The following GPHN variants were observed in gnomAD, a reference collection of about 807,000 sequenced individuals.
GPHN encodes the protein gephyrin.
Under a neutral mutation model 95.5 loss-of-function variants are expected in GPHN, and 17 were observed. The ratio of observed to expected loss-of-function variants is 0.18; its 90% CI spans 0.12 to 0.27. The LOEUF is 0.27. Among genes scored for constraint, GPHN ranks in the 10% least tolerant of loss-of-function variants. The probability of loss-of-function intolerance (pLI) is 1.00; values close to 1 mark genes in which losing one functional copy is unlikely to be tolerated. For missense variants in GPHN, 660 were observed against 978.1 expected (o/e 0.67, Z 4.34); for synonymous variants, 320 against 322.5 (o/e 0.99, Z 0.08).
At chr14:67,347,572 C>T in the GPHN span, 64 of 802,566 alleles carry the variant, frequency 8.0e-5, no homozygotes, top group Non-Finnish European at 1.2e-4. Context: ...CGTGATCTCG[C>T]CTCACCGCAA....
chr14:67,252,613 C>T, the GPHN span, among the ~76,000 whole-genome samples: 2 of 152,088 alleles, frequency 1.3e-5, no homozygotes, highest in Non-Finnish European at 2.9e-5. Flanking sequence ...ATTGTAACTC[C>T]AGGTAGATAG....
chr14:66,782,545 T>C (rs2059641153), intron 3 of GPHN, among the ~76,000 whole-genome samples: 1 of 152,126 alleles, frequency 6.6e-6, no homozygotes, highest in Non-Finnish European at 1.5e-5. Flanking sequence ...CTGGGCCAGG[T>C]GCGGTGGCTC....
chr14:67,696,050 C>CT, the GPHN span, among the ~76,000 whole-genome samples: 145 of 152,158 alleles, frequency 9.5e-4, no homozygotes, highest in African/African-American at 3.1e-3. Context: ...TGCTTTTTAT[C>CT]TTTTTTTCAC....
chr14:67,192,107 G>T, the GPHN span, among the ~76,000 whole-genome samples: 1 of 152,314 alleles, frequency 6.6e-6, no homozygotes, highest in South Asian at 2.1e-4. Flanking sequence ...GCTCTGCAGC[G>T]CAGCAAAAGC....
intron 4 of GPHN, among the ~76,000 whole-genome samples, chr14:66,833,521 T>C (rs1473791227): frequency 6.6e-6 from 1 of 152,176 alleles, no homozygotes; most frequent in Admixed American, 6.6e-5. Context: ...ATGAGTCTCC[T>C]ATCAGCCAGT....
intron 5 of GPHN, among the ~76,000 whole-genome samples, chr14:66,906,960 C>A (rs1400124760): frequency 6.6e-6 from 1 of 152,116 alleles, no homozygotes; most frequent in Admixed American, 6.6e-5. Flanking sequence ...AATATCAATT[C>A]GATCCTGTTG....
At chr14:66,916,407 G>A (rs1035083712) in intron 6 of GPHN, among the ~76,000 whole-genome samples, 1 of 150,970 alleles carries the variant, frequency 6.6e-6, no homozygotes, top group African/African-American at 2.4e-5. Flanking sequence ...TACTCTCCTG[G>A]CATTCGTGTA....
chr14:66,604,949 A>G (rs1054272343), intron 1 of GPHN, among the ~76,000 whole-genome samples: 4 of 148,246 alleles, frequency 2.7e-5, no homozygotes, highest in African/African-American at 1.0e-4. Flanking sequence ...ACAAGTGAGA[A>G]CATACAGTAT....
At chr14:67,492,764 T>C in the GPHN span, among the ~76,000 whole-genome samples, 3 of 152,216 alleles carry the variant, frequency 2.0e-5, no homozygotes, top group Non-Finnish European at 2.9e-5. Context: ...TGGTAGCTGG[T>C]TTATTTATTC....
At chr14:67,562,562 A>C in the GPHN span, 2 of 1,611,466 alleles carry the variant, frequency 1.2e-6, no homozygotes, top group African/African-American at 2.7e-5. Flanking sequence ...CAGCAGTCTG[A>C]CCCTACCAAA....
At chr14:67,730,041 G>A in the GPHN span, among the ~76,000 whole-genome samples, 3 of 152,198 alleles carry the variant, frequency 2.0e-5, no homozygotes, top group Admixed American at 1.3e-4. Flanking sequence ...TCTGATGAGA[G>A]GGGAATGGAT....
chr14:66,606,759 T>C (rs979394455), intron 1 of GPHN, among the ~76,000 whole-genome samples: 1 of 152,144 alleles, frequency 6.6e-6, no homozygotes, highest in Admixed American at 6.6e-5. Context: ...GGCTCTCAGG[T>C]AGAATGTTTT....
At chr14:67,308,167 A>G in the GPHN span, among the ~76,000 whole-genome samples, 3 of 152,038 alleles carry the variant, frequency 2.0e-5, no homozygotes, top group Admixed American at 2.0e-4. Flanking sequence ...AATCTGTACA[A>G]CAAACCCCCA....
intron 13 of GPHN, among the ~76,000 whole-genome samples, chr14:67,108,608 A>G (rs573105565): frequency 5.9e-5 from 9 of 152,230 alleles, no homozygotes; most frequent in South Asian, 4.1e-4. Context: ...CAGTAATAAT[A>G]TTATGGAGAG....
chr14:66,834,443 T>C (rs2061708344), intron 4 of GPHN, among the ~76,000 whole-genome samples: 1 of 152,152 alleles, frequency 6.6e-6, no homozygotes, highest in African/African-American at 2.4e-5. Flanking sequence ...AATACCTAAT[T>C]TATTGAGAGT....
chr14:66,571,156 C>G (rs1333035814), intron 1 of GPHN, among the ~76,000 whole-genome samples: 2 of 152,136 alleles, frequency 1.3e-5, no homozygotes, highest in Non-Finnish European at 2.9e-5. Flanking sequence ...ACTTAACAAT[C>G]ATGGCAGAAG....
the GPHN span, among the ~76,000 whole-genome samples, chr14:67,534,885 T>C: frequency 5.3e-5 from 8 of 152,370 alleles, no homozygotes; most frequent in African/African-American, 7.2e-5. Flanking sequence ...AGATATACTC[T>C]GATGTATATG....
the GPHN span, among the ~76,000 whole-genome samples, chr14:67,495,042 G>A: frequency 6.6e-6 from 1 of 152,130 alleles, no homozygotes; most frequent in Non-Finnish European, 1.5e-5. Flanking sequence ...TACTGTTCTG[G>A]CAACTTTTCT....
At chr14:66,553,092 G>A (rs2140195247) in intron 1 of GPHN, among the ~76,000 whole-genome samples, 1 of 151,802 alleles carries the variant, frequency 6.6e-6, no homozygotes, top group South Asian at 2.1e-4. Context: ...CCAGGTTCAA[G>A]CGATTCCCTG....
Sources: allele counts gnomAD v4.1 joint callset (sites outside exome capture counted in the v4.1 genomes callset), GRCh38; gene constraint gnomAD v4.1.1; transcripts MANE v1.5; gene names NCBI Gene and HGNC (gene_info 2026-07-23, HGNC 2026-07-21).